ESRRG: variants seen among roughly 807,000 people sequenced by gnomAD.
ESRRG encodes the protein estrogen related receptor gamma.
In ESRRG, 13 loss-of-function variants were observed where a neutral mutation model predicts 44.0. That is an observed-to-expected ratio of 0.30 (90% CI 0.19 to 0.47). The LOEUF (loss-of-function observed/expected upper bound fraction) is 0.47, where lower values mean the gene tolerates loss of function less well. ESRRG is among the 20% of genes least tolerant of loss of function. The pLI is 1.00. For missense variants in ESRRG, 395 were observed against 580.6 expected, an observed-to-expected ratio of 0.68 and a Z score of 3.29; for synonymous variants, 215 against 214.6, an observed-to-expected ratio of 1.00 and a Z score of -0.02.
chr1:216,628,475 T>C (rs867021402), intron 3 of ESRRG, among the ~76,000 whole-genome samples: 59 of 152,324 alleles, frequency 3.9e-4, no homozygotes, highest in African/African-American at 1.3e-3. Flanking sequence ...GATTCCCTTA[T>C]GATTTTACTT....
intron 5 of ESRRG, among the ~76,000 whole-genome samples, chr1:216,534,876 G>C (rs552726742): frequency 6.6e-6 from 1 of 152,132 alleles, no homozygotes; most frequent in Non-Finnish European, 1.5e-5. Flanking sequence ...ATGTTGGCTC[G>C]TTTCACGAAT....
chr1:216,793,473 A>G (rs2094382898), intron 2 of ESRRG, among the ~76,000 whole-genome samples: 1 of 152,140 alleles, frequency 6.6e-6, no homozygotes, highest in Non-Finnish European at 1.5e-5. Context: ...CCATATGAAG[A>G]GATCCATATG....
intron 2 of ESRRG, among the ~76,000 whole-genome samples, chr1:216,767,353 AAG>A (rs767797845): frequency 1.2e-4 from 18 of 152,246 alleles, no homozygotes; most frequent in African/African-American, 2.4e-4. Flanking sequence ...TACAGAAAGA[AAG>A]AGGGGGGATT....
At chr1:216,766,232 C>T (rs2093068788) in intron 2 of ESRRG, among the ~76,000 whole-genome samples, 1 of 151,970 alleles carries the variant, frequency 6.6e-6, no homozygotes, top group African/African-American at 2.4e-5. Flanking sequence ...AATTCTCAGC[C>T]CACCACAAAG....
upstream of ESRRG, among the ~76,000 whole-genome samples, chr1:217,093,466 G>GAA (rs34901925): frequency 8.7e-5 from 13 of 149,884 alleles, no homozygotes; most frequent in South Asian, 2.1e-4. Context: ...GGCAGCTCAG[G>GAA]AAAAAAAAAA....
intron 2 of ESRRG, among the ~76,000 whole-genome samples, chr1:216,797,151 A>G (rs2094493246): frequency 6.6e-6 from 1 of 151,996 alleles, no homozygotes; most frequent in Non-Finnish European, 1.5e-5. Flanking sequence ...TGGCCTTTCA[A>G]AGTTCTGGGA....
At chr1:217,135,122 C>T (rs907784603) in intron 1 of ESRRG, among the ~76,000 whole-genome samples, 4 of 152,206 alleles carry the variant, frequency 2.6e-5, no homozygotes, top group Non-Finnish European at 4.4e-5. Flanking sequence ...GCACTGCGTC[C>T]TCATTCCCAG....
intron 2 of ESRRG, among the ~76,000 whole-genome samples, chr1:216,840,443 C>T (rs1217921599): frequency 1.3e-5 from 2 of 152,150 alleles, no homozygotes; most frequent in East Asian, 3.9e-4. Context: ...AAATCTTTCT[C>T]CATATCACTA....
chr1:216,773,019 C>A (rs1023901923), intron 2 of ESRRG, among the ~76,000 whole-genome samples: 1 of 152,014 alleles, frequency 6.6e-6, no homozygotes, highest in Non-Finnish European at 1.5e-5. Flanking sequence ...TCCCTTTTAA[C>A]GCTCAACATG....
At chr1:216,675,721 C>G (rs1267828416) in intron 2 of ESRRG, among the ~76,000 whole-genome samples, 1 of 152,132 alleles carries the variant, frequency 6.6e-6, no homozygotes, top group East Asian at 1.9e-4. Context: ...CAGGATGGGG[C>G]CTGGGAACTT....
At chr1:216,631,763 C>T (rs2064235308) in intron 3 of ESRRG, among the ~76,000 whole-genome samples, 1 of 152,104 alleles carries the variant, frequency 6.6e-6, no homozygotes, top group Non-Finnish European at 1.5e-5. Context: ...CACATACACA[C>T]ATAGTAGAAA....
chr1:216,883,316 C>A (rs565132645), intron 2 of ESRRG, among the ~76,000 whole-genome samples: 1 of 129,332 alleles, frequency 7.7e-6, no homozygotes, highest in Middle Eastern at 4.9e-3. Context: ...ACCTGGGAGG[C>A]GGAGGTTGCA....
At chr1:217,057,696 TAAAG>T (rs941856252) in intron 1 of ESRRG, among the ~76,000 whole-genome samples, 7 of 152,094 alleles carry the variant, frequency 4.6e-5, no homozygotes, top group Admixed American at 3.3e-4. Context: ...CTGAAAGCAA[TAAAG>T]AGATAAAAAG....
chr1:217,085,353 G>T (rs770962080), intron 1 of ESRRG, among the ~76,000 whole-genome samples: 7 of 152,020 alleles, frequency 4.6e-5, no homozygotes, highest in Non-Finnish European at 7.4e-5. Flanking sequence ...GCCCCGTGGG[G>T]CTCTGGCTCT....
At chr1:216,638,869 A>G (rs564978482) in intron 3 of ESRRG, among the ~76,000 whole-genome samples, 14 of 152,206 alleles carry the variant, frequency 9.2e-5, no homozygotes, top group Non-Finnish European at 1.8e-4. Context: ...ACCTCACCCC[A>G]ACTCTAGATG....
chr1:217,043,277 T>C (rs922072977), intron 1 of ESRRG, among the ~76,000 whole-genome samples: 1 of 152,122 alleles, frequency 6.6e-6, no homozygotes, highest in Non-Finnish European at 1.5e-5. Flanking sequence ...GCAGCTAAAT[T>C]GGGCCTCAAA....
At chr1:216,876,718 A>T (rs532093441) in intron 2 of ESRRG, among the ~76,000 whole-genome samples, 18 of 152,232 alleles carry the variant, frequency 1.2e-4, no homozygotes, top group African/African-American at 4.1e-4. Flanking sequence ...CCATAGAACC[A>T]ATTGTTCAGT....
rs942985329 is a variant in ESRRG, at chr1:216,545,621, TAAG to T, written c.862+18595_862+18597del. ...CAAAATTTTATTGATATTCAAATAA[TAAG>T]AAATTGTTTGATGAATACACACATA... On this transcript the variant is annotated intron_variant, in intron 5 of 6. Transcript: ENST00000408911. 1.4e-4 allele frequency among the ~76,000 whole-genome samples: 22 copies of T among 152,214 alleles called. 2 individuals are homozygous for T. Among genetic ancestry groups the T allele is most frequent in the African/African-American group, 2.9e-4 (12 of 41,564 alleles).
chr1:217,118,173 G>A (rs752218128), intron 1 of ESRRG, among the ~76,000 whole-genome samples: 1 of 152,148 alleles, frequency 6.6e-6, no homozygotes, highest in East Asian at 1.9e-4. Flanking sequence ...CAGAAACCAT[G>A]AGTAACATAA....
Sources: allele counts gnomAD v4.1 joint callset (sites outside exome capture counted in the v4.1 genomes callset), GRCh38; gene constraint gnomAD v4.1.1; transcripts MANE v1.5; gene names NCBI Gene and HGNC (gene_info 2026-07-23, HGNC 2026-07-21).